The following ZC3H12B variants were observed in gnomAD, a reference collection of about 807,000 sequenced individuals.
ZC3H12B encodes the protein probable ribonuclease ZC3H12B.
Under a neutral mutation model 43.9 loss-of-function variants are expected in ZC3H12B, and 7 were observed. The ratio of observed to expected loss-of-function variants is 0.16; its 90% CI spans 0.09 to 0.30. ZC3H12B has a LOEUF of 0.30. ZC3H12B is among the 10% of genes least tolerant of loss of function. The probability of loss-of-function intolerance (pLI) is 1.00; values close to 1 mark genes in which losing one functional copy is unlikely to be tolerated. For missense variants in ZC3H12B, 475 were observed against 670.2 expected (o/e 0.71, Z 3.22); for synonymous variants, 222 against 241.7 (o/e 0.92, Z 0.76).
chrX:65,257,550 A>G, the ZC3H12B span, among the ~76,000 whole-genome samples: 75 of 111,011 alleles, frequency 6.8e-4, 1 homozygote, highest in East Asian at 0.021. Flanking sequence ...ATGTATACCT[A>G]TGTAACAAAC....
the ZC3H12B span, among the ~76,000 whole-genome samples, chrX:65,327,837 C>T: frequency 8.9e-6 from 1 of 111,764 alleles, no homozygotes; most frequent in African/African-American, 3.2e-5. Flanking sequence ...AGCTATAACC[C>T]CTTTTATTTT....
the ZC3H12B span, among the ~76,000 whole-genome samples, chrX:65,090,317 G>T: frequency 9.0e-6 from 1 of 111,341 alleles, no homozygotes; most frequent in South Asian, 3.8e-4. Context: ...AAACATTGTT[G>T]TGTGGTACAT....
chrX:65,336,160 T>G, the ZC3H12B span, among the ~76,000 whole-genome samples: 1 of 112,646 alleles, frequency 8.9e-6, no homozygotes, highest in South Asian at 3.6e-4. Context: ...TTTTTCTTAT[T>G]AATTAAAACT....
At chrX:65,356,541 T>C in the ZC3H12B span, among the ~76,000 whole-genome samples, 45 of 112,373 alleles carry the variant, frequency 4.0e-4, 1 homozygote, top group Non-Finnish European at 6.8e-4. Context: ...TTTGTATTAA[T>C]TGCCAAAAAA....
At chrX:65,228,062 C>G in the ZC3H12B span, among the ~76,000 whole-genome samples, 1 of 111,594 alleles carries the variant, frequency 9.0e-6, no homozygotes, top group African/African-American at 3.3e-5. Context: ...ATACTAAAGC[C>G]TGGCAGAGAC....
intron 3 of ZC3H12B, among the ~76,000 whole-genome samples, chrX:65,456,650 G>A (rs1341288987): frequency 1.9e-5 from 2 of 107,008 alleles, no homozygotes; most frequent in Non-Finnish European, 3.9e-5. Context: ...TGCTGTGTTG[G>A]CCGGGCTGGT....
At chrX:65,094,335 G>T in the ZC3H12B span, among the ~76,000 whole-genome samples, 1 of 108,596 alleles carries the variant, frequency 9.2e-6, no homozygotes, top group Non-Finnish European at 1.9e-5. Flanking sequence ...CTAATACATT[G>T]GGGATGAAGA....
chrX:65,412,949 G>A (rs936431311), intron 3 of ZC3H12B, among the ~76,000 whole-genome samples: 3 of 110,587 alleles, frequency 2.7e-5, no homozygotes, highest in Admixed American at 9.6e-5. Context: ...CCACATTCTC[G>A]CCAACAATTC....
At chrX:65,330,860 GT>G in the ZC3H12B span, 1 of 223,487 alleles carries the variant, frequency 4.5e-6, no homozygotes, top group Non-Finnish European at 8.9e-6. Flanking sequence ...GAATCTCACT[GT>G]TACTGCCACC....
chrX:65,345,514 C>T, the ZC3H12B span, among the ~76,000 whole-genome samples: 28 of 110,929 alleles, frequency 2.5e-4, no homozygotes, highest in East Asian at 4.0e-3. Flanking sequence ...GGCAAATAGA[C>T]GGAAACAACA....
At chrX:65,388,525 T>C (rs1313535694) in intron 2 of ZC3H12B, among the ~76,000 whole-genome samples, 1 of 111,883 alleles carries the variant, frequency 8.9e-6, no homozygotes, top group Non-Finnish European at 1.9e-5. Context: ...CATTGGTTAT[T>C]CTAGTTCGCC....
chrX:65,430,671 A>G lies in ZC3H12B; in HGVS notation n.407+31967A>G, dbSNP rs765728096. ...ATCCATGTCCCTACAAAGGACATGA[A>G]CTCATCCTTTTTTATGGCTGCATAG... is the stretch of plus-strand genomic sequence containing the variant. On this transcript the variant is annotated intron_variant and non_coding_transcript_variant, in intron 3 of 5. Transcript: ENST00000617377. Among the ~76,000 whole-genome samples the G allele has an allele frequency of 2.2e-3, 244 of 108,844 alleles. 1 individual carries two copies. The highest frequency in any genetic ancestry group is 4.6e-3 in the Admixed American group (47 of 10,246). The allele number at this position is 108,844 out of a possible 115,157, so 94.5% of individuals were successfully genotyped here. A position where few individuals can be genotyped will look rare whatever the true frequency, so the allele number is the denominator to read the frequency against.
chrX:65,045,469 T>A, the ZC3H12B span, among the ~76,000 whole-genome samples: 1 of 112,275 alleles, frequency 8.9e-6, no homozygotes, highest in Non-Finnish European at 1.9e-5. Context: ...GAACCACTTT[T>A]TTTGCTCATT....
the ZC3H12B span, among the ~76,000 whole-genome samples, chrX:65,250,014 T>G: frequency 9.1e-6 from 1 of 110,414 alleles, no homozygotes; most frequent in Non-Finnish European, 1.9e-5. Context: ...TGTATACATG[T>G]GCCATGCTGG....
At chrX:65,089,912 C>T in the ZC3H12B span, among the ~76,000 whole-genome samples, 4 of 111,670 alleles carry the variant, frequency 3.6e-5, no homozygotes, top group Admixed American at 9.5e-5. Flanking sequence ...GACAACAACA[C>T]ACATGGAGCT....
chrX:65,247,111 C>T, the ZC3H12B span, among the ~76,000 whole-genome samples: 2 of 103,645 alleles, frequency 1.9e-5, no homozygotes, highest in Non-Finnish European at 3.8e-5. Context: ...CACTTCAATA[C>T]ATGCGACCAT....
chrX:65,457,087 C>T (rs1389934729), intron 3 of ZC3H12B, among the ~76,000 whole-genome samples: 1 of 90,022 alleles, frequency 1.1e-5, no homozygotes, highest in Non-Finnish European at 2.2e-5. Context: ...AGCACCTCTG[C>T]CCCGCCGCCC....
the ZC3H12B span, among the ~76,000 whole-genome samples, chrX:65,297,471 C>T: frequency 5.4e-5 from 6 of 111,168 alleles, no homozygotes; most frequent in African/African-American, 2.0e-4. Context: ...AGGAAAACTA[C>T]AAAACACTAC....
chrX:65,411,943 A>G (rs1024466391), intron 3 of ZC3H12B, among the ~76,000 whole-genome samples: 8 of 110,205 alleles, frequency 7.3e-5, no homozygotes, highest in Non-Finnish European at 1.3e-4. Flanking sequence ...TAAAAACAAT[A>G]TTACAAATAA....
Sources: gnomAD v4.1 joint callset for allele counts (sites outside exome capture counted in the v4.1 genomes callset) on GRCh38, gnomAD v4.1.1 for gene constraint, MANE v1.5 for transcripts, NCBI Gene and HGNC (gene_info 2026-07-23, HGNC 2026-07-21) for gene names.